Variants in ZNF567 observed in about 807,000 individuals in gnomAD.
The protein encoded by ZNF567 is zinc finger protein 567.
In ZNF567, 36 loss-of-function variants were observed where a neutral mutation model predicts 53.9. The ratio of observed to expected loss-of-function variants is 0.67; its 90% CI spans 0.51 to 0.88. The LOEUF (loss-of-function observed/expected upper bound fraction) is 0.88. Among genes scored for constraint, ZNF567 ranks in the 40% least tolerant of loss-of-function variants. The probability of loss-of-function intolerance (pLI) is 0.00; values close to 1 mark genes in which losing one functional copy is unlikely to be tolerated. For synonymous variants in ZNF567, 224 were observed against 260.4 expected, an observed-to-expected ratio of 0.86 and a Z score of 1.35; for missense variants, 619 against 764.7, an observed-to-expected ratio of 0.81 and a Z score of 2.25.
At chr19:36,676,794 G>T in the ZNF567 span, among the ~76,000 whole-genome samples, 8 of 152,148 alleles carry the variant, frequency 5.3e-5, no homozygotes, top group Non-Finnish European at 4.4e-5. Flanking sequence ...AAGGTTGGGG[G>T]ATCGCTTGAG....
the ZNF567 span, among the ~76,000 whole-genome samples, chr19:36,669,608 C>T: frequency 1.3e-5 from 2 of 152,180 alleles, no homozygotes; most frequent in African/African-American, 2.4e-5. Context: ...TGTAACCAAC[C>T]TGCCACCAGA....
intron 3 of ZNF567, among the ~76,000 whole-genome samples, chr19:36,698,780 C>G (rs2145658953): frequency 6.6e-6 from 1 of 152,008 alleles, no homozygotes; most frequent in East Asian, 1.9e-4. Context: ...TTGTTTTTTT[C>G]TTGTAAATTT....
chr19:36,687,449 G>T (rs367779508), upstream of ZNF567: 1 of 152,336 alleles, frequency 6.6e-6, no homozygotes, highest in South Asian at 2.1e-4. Flanking sequence ...ATTTGGAAGG[G>T]GAACCAGAGA....
the ZNF567 span, among the ~76,000 whole-genome samples, chr19:36,674,442 C>T: frequency 6.6e-6 from 1 of 152,162 alleles, no homozygotes; most frequent in African/African-American, 2.4e-5. Flanking sequence ...AATGTCCTCT[C>T]GTCATGTGTA....
chr19:36,686,696 G>C (rs1452908092), upstream of ZNF567: 2 of 152,156 alleles, frequency 1.3e-5, no homozygotes, highest in Non-Finnish European at 1.5e-5. Flanking sequence ...AACTCGAAAA[G>C]CCTCGTTCCG....
Position 36,694,848 on chromosome 19 carries a change from CTCTT to C in ZNF567, c.-17_-14del, listed in dbSNP as rs776187476. ...GGACTCCAAAGGAAGGACTGGTCAT[CTCTT>C]TCATATCTCAAAACCATGGCTCAGG... is the stretch of plus-strand genomic sequence containing the variant. On this transcript the variant is annotated 5_prime_UTR_variant, in exon 3 of 6. Coordinates refer to ENST00000682579, the MANE Select transcript of ZNF567 (RefSeq NM_001322917.1). 1.4e-5 allele frequency: 22 copies of C among 1,523,478 alleles called. No homozygotes were observed. In the South Asian group the frequency reaches 2.6e-4, roughly 18 times the overall value. The allele number at this position is 1,523,478 out of a possible 1,614,324, so 94.4% of individuals were successfully genotyped here.
At position 36,720,475 on chromosome 19, in the gene ZNF567, C is replaced by T. The variant is rs955342798; in HGVS notation, c.1751C>T (p.Thr584Met). 33 of 1,611,408 alleles carry T rather than the reference C, an allele frequency of 2.0e-5. No homozygotes were observed. Among genetic ancestry groups the T allele is most frequent in the South Asian group, 4.4e-5 (4 of 90,670 alleles). ...SYLIHHQRTH[T>M]GEKPYKCSEC... Reference sequence around the variant, plus strand: ...CTCATTCATCATCAAAGAACTCATACGGGAGAGAAACCATATAAATGTAGT... The same window carrying T: ...CTCATTCATCATCAAAGAACTCATATGGGAGAGAAACCATATAAATGTAGT... The change falls in exon 6 of 6, where the codon ACG becomes ATG. Residue 584 changes from threonine to methionine, a missense_variant. Coordinates refer to ENST00000682579, the MANE Select transcript of ZNF567 (RefSeq NM_001322917.1).
At chr19:36,715,509 A>AATAATAATAATTATT (rs1309147349) in intron 5 of ZNF567, among the ~76,000 whole-genome samples, 4 of 45,824 alleles carry the variant, frequency 8.7e-5, no homozygotes, top group South Asian at 6.7e-4. Flanking sequence ...TAATAATAAT[A>AATAATAATAATTATT]ATTATTATTA....
At chr19:36,721,744 CTTTTTTTTTT>C (rs5827963), downstream of ZNF567, among the ~76,000 whole-genome samples, 1 of 101,486 alleles carries the variant, frequency 9.9e-6, no homozygotes, top group Admixed American at 1.3e-4. Flanking sequence ...TTTTTTTTTT[CTTTTTTTTTT>C]TTTTTTTTGA....
In ZNF567 at chr19:36,689,395, A is replaced by G. The variant is rs17272386; in HGVS notation, c.-167-2A>G. On this transcript the variant is annotated splice_acceptor_variant, in intron 1 of 5. Transcript: ENST00000682579. LOFTEE classifies it low-confidence loss of function (5UTR_SPLICE). Reference sequence around the variant, plus strand: ...ATTTTGTCTCCTCTTTACTCCCTATAGGCAGTCTTTAGCTCTCATGGATTG... The same window carrying G: ...ATTTTGTCTCCTCTTTACTCCCTATGGGCAGTCTTTAGCTCTCATGGATTG... 0.32 allele frequency: 48,019 copies of G among 151,480 alleles called. 7,899 individuals carry two copies. The highest frequency in any genetic ancestry group is 0.58 in the East Asian group (2,946 of 5,116). The allele number at this position is 151,480 out of a possible 1,614,324, so 9.4% of individuals were successfully genotyped here.
downstream of ZNF567, among the ~76,000 whole-genome samples, chr19:36,724,010 T>C (rs1294332560): frequency 6.1e-5 from 9 of 146,848 alleles, no homozygotes; most frequent in Admixed American, 4.1e-4. Flanking sequence ...ATTTCTTTTT[T>C]TTTTTTTTTT....
downstream of ZNF567, chr19:36,721,360 T>C (rs964172836): frequency 7.2e-5 from 11 of 152,316 alleles, no homozygotes; most frequent in Admixed American, 6.5e-4. Flanking sequence ...TTTGCGTGTA[T>C]GTATTTCTGT....
chr19:36,688,351 C>A (rs1415451553), intron 1 of ZNF567, among the ~76,000 whole-genome samples: 1 of 151,970 alleles, frequency 6.6e-6, no homozygotes. Context: ...CTTGAGAAAC[C>A]GAGTGTTGAC....
chr19:36,697,915 T>C (rs924139273), intron 3 of ZNF567, among the ~76,000 whole-genome samples: 40 of 103,144 alleles, frequency 3.9e-4, no homozygotes, highest in Non-Finnish European at 7.2e-4. Flanking sequence ...CCGGCTGGAA[T>C]TTCTTTTTTT....
At chr19:36,675,380 A>G in the ZNF567 span, among the ~76,000 whole-genome samples, 1 of 152,034 alleles carries the variant, frequency 6.6e-6, no homozygotes, top group African/African-American at 2.4e-5. Flanking sequence ...ATCTCTACAA[A>G]AAATAAAAAA....
At chr19:36,675,303 G>A in the ZNF567 span, among the ~76,000 whole-genome samples, 1 of 152,162 alleles carries the variant, frequency 6.6e-6, no homozygotes, top group Non-Finnish European at 1.5e-5. Context: ...ACTTTGGGAG[G>A]CTGAAGCAGG....
chr19:36,722,168 C>G (rs1310326326), downstream of ZNF567, among the ~76,000 whole-genome samples: 1 of 152,132 alleles, frequency 6.6e-6, no homozygotes, highest in African/African-American at 2.4e-5. Flanking sequence ...TCCACGGTAT[C>G]CTTTTGGCGA....
the ZNF567 span, among the ~76,000 whole-genome samples, chr19:36,671,147 A>G: frequency 1.3e-5 from 2 of 152,174 alleles, no homozygotes; most frequent in African/African-American, 4.8e-5. Context: ...GCACTGATCC[A>G]TTACATTGAT....
chr19:36,721,423 T>C (rs1354042730), downstream of ZNF567: 2 of 152,204 alleles, frequency 1.3e-5, no homozygotes, highest in Admixed American at 1.3e-4. Flanking sequence ...ATATGAGGTT[T>C]TTTTGGTCAT....
Sources: allele counts gnomAD v4.1 joint callset (sites outside exome capture counted in the v4.1 genomes callset), GRCh38; gene constraint gnomAD v4.1.1; transcripts MANE v1.5; gene names NCBI Gene and HGNC (gene_info 2026-07-23, HGNC 2026-07-21).